The following GIGYF2 variants were observed in gnomAD, a reference collection of about 807,000 sequenced individuals.
The protein encoded by GIGYF2 is GRB10 interacting GYF protein 2.
A neutral mutation model predicts 208.1 loss-of-function variants in GIGYF2; 25 were observed. The observed-to-expected ratio is 0.12, with a 90% CI of 0.09 to 0.17. GIGYF2 has a LOEUF of 0.17. GIGYF2 is among the 10% of genes least tolerant of loss of function. The pLI is 1.00. For missense variants in GIGYF2, 1,302 were observed against 1,579.4 expected, an observed-to-expected ratio of 0.82 and a Z score of 2.98; for synonymous variants, 534 against 543.8, an observed-to-expected ratio of 0.98 and a Z score of 0.25.
In GIGYF2 at chr2:232,756,197, C is replaced by CTTTTTTTTT. The variant is rs759525243; in HGVS notation, c.268-14_268-6dup. 642 of 710,078 alleles carry CTTTTTTTTT rather than the reference C, an allele frequency of 9.0e-4. 1 individual carries two copies. Among genetic ancestry groups the CTTTTTTTTT allele is most frequent in the South Asian group, 2.2e-3 (110 of 51,072 alleles). 44.0% of individuals were successfully genotyped at this position (710,078 alleles called of 1,614,324 possible). A position where few individuals can be genotyped will look rare whatever the true frequency, so the allele number is the denominator to read the frequency against. ...TTTTCTTTCTTTTTTTCCTTTTTCT[C>CTTTTTTTTT]TTTTTTTTTTTTTTTTTTTTGGCAG... On this transcript the variant is annotated intron_variant, in intron 5 of 28. Coordinates refer to ENST00000373563, the MANE Select transcript of GIGYF2 (RefSeq NM_001103146.3).
In GIGYF2 at chr2:232,857,021, CTT is replaced by C; in HGVS notation, c.*163_*164del. ...CTTCTGGCCCTTTGTGTCCAAGATT[CTT>C]TAATCCATTTTTGTTGGTGAACATC... On this transcript the variant is annotated 3_prime_UTR_variant, in exon 29 of 29. Transcript: ENST00000373563. 1 of 688,922 alleles carries C rather than the reference CTT, an allele frequency of 1.5e-6. No homozygotes were observed. The highest frequency in any genetic ancestry group is 2.7e-6 in the Non-Finnish European group (1 of 376,888). The allele number at this position is 688,922 out of a possible 1,614,324, so 42.7% of individuals were successfully genotyped here.
At position 232,796,349 on chromosome 2, in the gene GIGYF2, C is replaced by G. The variant is rs148821235; in HGVS notation, c.1639+128C>G. The G allele has an allele frequency of 1.1e-5, 8 of 717,234 alleles. No homozygotes were observed. The Admixed American group carries it at 1.4e-4, about 13-fold the overall frequency. The allele number at this position is 717,234 out of a possible 1,614,324, so 44.4% of individuals were successfully genotyped here. A position where few individuals can be genotyped will look rare whatever the true frequency, so the allele number is the denominator to read the frequency against. On this transcript the variant is annotated intron_variant, in intron 14 of 28. Coordinates refer to ENST00000373563, the MANE Select transcript of GIGYF2 (RefSeq NM_001103146.3). ...CAACAAGCACACACGCGCGCACACA[C>G]GCAGACTAGAAGTGTTTCTGATTTC...
At chr2:232,776,319 A>G in intron 8 of GIGYF2, 2 of 682,350 alleles carry the variant, frequency 2.9e-6, no homozygotes, top group Admixed American at 2.4e-5. Flanking sequence ...ACTATCCTAC[A>G]CTATAGATAA....
rs368611228 is a variant in GIGYF2, at chr2:232,717,744, A to AAG, written c.-44+14268_-44+14269dup. ...GTGTAGATCTCATGGTGAGGGGAGC[A>AAG]AGAGAGAGAGAGAGGAGGGAGGTGT... On this transcript the variant is annotated intron_variant, in intron 2 of 28. Transcript: ENST00000373563. Among the ~76,000 whole-genome samples the AAG allele has an allele frequency of 3.7e-4, 39 of 104,722 alleles. No individual in the cohort carries two copies. The South Asian group carries it at 8.4e-3, about 23-fold the overall frequency. The allele number at this position is 104,722 out of a possible 152,430, so 68.7% of individuals were successfully genotyped here.
At chr2:232,846,929 G>T (rs1398518387) in intron 26 of GIGYF2, among the ~76,000 whole-genome samples, 1 of 152,138 alleles carries the variant, frequency 6.6e-6, no homozygotes, top group Non-Finnish European at 1.5e-5. Flanking sequence ...TTTTCCATTT[G>T]ATTTCTCTCT....
chr2:232,818,498 T>A (rs1174369945), intron 20 of GIGYF2, among the ~76,000 whole-genome samples: 1 of 152,232 alleles, frequency 6.6e-6, no homozygotes, highest in East Asian at 1.9e-4. Flanking sequence ...CCTATAGATA[T>A]CCAGTTTTCC....
At position 232,858,513 on chromosome 2, in the gene GIGYF2, TGGGGGTGGGTAAGA is replaced by T. The variant is rs1373671736; in HGVS notation, c.*1657_*1670del. 2.2e-6 allele frequency: 1 copy of T among 456,370 alleles called. No individual in the cohort carries two copies. Among genetic ancestry groups the T allele is most frequent in the Non-Finnish European group, 4.4e-6 (1 of 226,804 alleles). 28.3% of individuals were successfully genotyped at this position (456,370 alleles called of 1,614,324 possible). On this transcript the variant is annotated 3_prime_UTR_variant, in exon 29 of 29. Transcript: ENST00000373563. ...TCCTTTGCTTTGTAAATTCAAAAGT[TGGGGGTGGGTAAGA>T]GGGATAGTTAAAATGTTTACAAAAC...
At chr2:232,822,454 G>A (rs1349976958) in intron 21 of GIGYF2, among the ~76,000 whole-genome samples, 2 of 152,200 alleles carry the variant, frequency 1.3e-5, no homozygotes, top group Non-Finnish European at 2.9e-5. Flanking sequence ...AGGCCAAGGC[G>A]GGCAGATCAC....
chr2:232,726,172 C>G (rs1264129832), intron 2 of GIGYF2, among the ~76,000 whole-genome samples: 2 of 152,156 alleles, frequency 1.3e-5, no homozygotes, highest in African/African-American at 4.8e-5. Flanking sequence ...GAGTTTGGGA[C>G]TGGCCTGGCC....
At chr2:232,851,405 A>T (rs1281641278) in intron 28 of GIGYF2, among the ~76,000 whole-genome samples, 2 of 151,812 alleles carry the variant, frequency 1.3e-5, no homozygotes, top group Non-Finnish European at 2.9e-5. Context: ...AACAGTGATG[A>T]AACTAACATT....
chr2:232,768,215 G>T, intron 8 of GIGYF2: 1 of 1,613,974 alleles, frequency 6.2e-7, no homozygotes, highest in South Asian at 1.1e-5. Context: ...CTGTTTCAGA[G>T]ATCTGAAAAT....
chr2:232,769,255 G>A (rs1699116690), intron 8 of GIGYF2, among the ~76,000 whole-genome samples: 1 of 152,088 alleles, frequency 6.6e-6, no homozygotes, highest in Admixed American at 6.5e-5. Flanking sequence ...TTTTGGCCAG[G>A]CATGGTGTCT....
intron 5 of GIGYF2, among the ~76,000 whole-genome samples, chr2:232,751,266 G>A (rs1175831859): frequency 6.6e-6 from 1 of 152,068 alleles, no homozygotes; most frequent in African/African-American, 2.4e-5. Flanking sequence ...TCAGGCTGTA[G>A]TGCAGTGTCA....
rs1007261818 is a variant in GIGYF2 at position 232,803,967 on chromosome 2, C to T, written c.1640-2524C>T. The stretch of plus-strand genomic sequence containing the variant: ...CTCCCAAAGTGCTGGGATTACAGGC[C>T]TATTTCTGCTTCTTAATTTTGTCCC... On this transcript the variant is annotated intron_variant, in intron 14 of 28. Coordinates refer to ENST00000373563, the MANE Select transcript of GIGYF2 (RefSeq NM_001103146.3). Among the ~76,000 whole-genome samples the T allele has an allele frequency of 6.6e-5, 10 of 151,754 alleles. 5 individuals carry two copies. Among genetic ancestry groups the T allele is most frequent in the African/African-American group, 1.5e-4 (6 of 41,280 alleles).
intron 14 of GIGYF2, among the ~76,000 whole-genome samples, chr2:232,796,733 G>A (rs1200487977): frequency 1.3e-5 from 2 of 152,086 alleles, no homozygotes; most frequent in Non-Finnish European, 2.9e-5. Context: ...GGTGGCAGGT[G>A]CCTGTAATCC....
At position 232,797,158 on chromosome 2, in the gene GIGYF2, C is replaced by T. The variant is rs540646600; in HGVS notation, c.1639+937C>T. On this transcript the variant is annotated intron_variant, in intron 14 of 28. Transcript: ENST00000373563. ...TCAGATAAAATATAGTACTGTATTA[C>T]AAATGAATCCCTTAGAAGATTTGTG... Among the ~76,000 whole-genome samples, 3 of 151,612 alleles carry T rather than the reference C, an allele frequency of 2.0e-5. No homozygotes were observed. In the South Asian group the frequency reaches 6.3e-4, roughly 32 times the overall value.
chr2:232,814,183 A>G (rs1202110884), intron 18 of GIGYF2, among the ~76,000 whole-genome samples: 3 of 151,976 alleles, frequency 2.0e-5, no homozygotes, highest in Non-Finnish European at 4.4e-5. Flanking sequence ...ATGGTGCCCA[A>G]CCCATGATTG....
At chr2:232,743,826 A>G (rs1244946230) in intron 3 of GIGYF2, among the ~76,000 whole-genome samples, 1 of 151,944 alleles carries the variant, frequency 6.6e-6, no homozygotes, top group Non-Finnish European at 1.5e-5. Context: ...GAAATCTCTG[A>G]TTGTGTTATT....
intron 8 of GIGYF2, chr2:232,771,120 C>A: frequency 6.2e-7 from 1 of 1,614,106 alleles, no homozygotes; most frequent in Non-Finnish European, 8.5e-7. Context: ...GATCACCATT[C>A]ATCTCAGCCA....
Sources: gnomAD v4.1 joint callset for allele counts (sites outside exome capture counted in the v4.1 genomes callset) on GRCh38, gnomAD v4.1.1 for gene constraint, MANE v1.5 for transcripts, NCBI Gene and HGNC (gene_info 2026-07-23, HGNC 2026-07-21) for gene names.